The following TUSC3 variants were observed in gnomAD, a reference collection of about 807,000 sequenced individuals.
TUSC3 encodes the protein tumor suppressor candidate 3, also known as dolichyl-diphosphooligosaccharide--protein glycosyltransferase subunit TUSC3.
Under a neutral mutation model 44.8 loss-of-function variants are expected in TUSC3, and 45 were observed. That is an observed-to-expected ratio of 1.00 (90% CI 0.79 to 1.29). TUSC3 has a LOEUF of 1.29. Among genes scored for constraint, TUSC3 ranks in the 50% most tolerant of loss-of-function variants. The pLI is 0.00. For synonymous variants in TUSC3, 212 were observed against 152.9 expected (o/e 1.39, Z -2.85); for missense variants, 519 against 437.9 (o/e 1.19, Z -1.65).
chr8:15,789,203 C>T, the TUSC3 span, among the ~76,000 whole-genome samples: 8 of 152,148 alleles, frequency 5.3e-5, no homozygotes, highest in African/African-American at 1.2e-4. Context: ...TCCACCGAGG[C>T]GGCTCATGTC....
chr8:15,781,703 G>A, the TUSC3 span, among the ~76,000 whole-genome samples: 1 of 152,186 alleles, frequency 6.6e-6, no homozygotes, highest in African/African-American at 2.4e-5. Context: ...CTTCACTGGT[G>A]AATTCCATGA....
intron 6 of TUSC3, among the ~76,000 whole-genome samples, chr8:15,709,306 A>G (rs945083038): frequency 2.6e-5 from 4 of 151,932 alleles, no homozygotes; most frequent in Non-Finnish European, 2.9e-5. Context: ...TTTAGAAAAT[A>G]AAAAAGATTG....
rs151211280 is a variant in TUSC3, at chr8:15,746,920, G to A, written c.938-1455G>A. The stretch of plus-strand genomic sequence containing the variant: ...GGGATATTCTATAATTTTCAAAAAT[G>A]TTTTTTTTATTTTATGATACTCACA... On this transcript the variant is annotated intron_variant, in intron 8 of 10. Transcript: ENST00000503731. Among the ~76,000 whole-genome samples the A allele has an allele frequency of 7.0e-3, 1,062 of 151,742 alleles. 3 individuals carry two copies. Among genetic ancestry groups the A allele is most frequent in the Non-Finnish European group, 8.9e-3 (607 of 67,834 alleles).
chr8:15,632,853 A>G (rs1246439691), intron 2 of TUSC3, among the ~76,000 whole-genome samples: 1 of 152,192 alleles, frequency 6.6e-6, no homozygotes, highest in Non-Finnish European at 1.5e-5. Context: ...TGTGGGAACC[A>G]ACTCCTATAT....
the TUSC3 span, among the ~76,000 whole-genome samples, chr8:15,837,176 C>T: frequency 7.3e-5 from 11 of 151,710 alleles, no homozygotes; most frequent in East Asian, 9.7e-4. Flanking sequence ...TTAAATCAAA[C>T]GATAATTTGA....
At chr8:15,744,239 A>G (rs916734552) in intron 8 of TUSC3, among the ~76,000 whole-genome samples, 2 of 152,104 alleles carry the variant, frequency 1.3e-5, no homozygotes, top group East Asian at 1.9e-4. Flanking sequence ...TGATGGGACC[A>G]TTTCTCTCAG....
At chr8:15,591,740 G>A (rs1485988961) in intron 1 of TUSC3, among the ~76,000 whole-genome samples, 3 of 152,174 alleles carry the variant, frequency 2.0e-5, no homozygotes, top group African/African-American at 7.2e-5. Flanking sequence ...GAATATTCTA[G>A]TTATAATGCA....
At chr8:15,654,567 A>T (rs990743055) in intron 3 of TUSC3, among the ~76,000 whole-genome samples, 4 of 152,164 alleles carry the variant, frequency 2.6e-5, no homozygotes, top group Admixed American at 6.5e-5. Context: ...TAATGAACTT[A>T]TTAAAAAAGG....
chr8:15,485,949 C>T (rs1800727594), intron 2 of TUSC3, among the ~76,000 whole-genome samples: 1 of 152,034 alleles, frequency 6.6e-6, no homozygotes, highest in Non-Finnish European at 1.5e-5. Flanking sequence ...CACCACCAAG[C>T]CCGGCTTATT....
chr8:15,836,476 C>CAA, the TUSC3 span, among the ~76,000 whole-genome samples: 2 of 132,738 alleles, frequency 1.5e-5, no homozygotes, highest in African/African-American at 2.8e-5. Context: ...GACTCCATCT[C>CAA]AAAAAAAAAA....
At position 15,590,557 on chromosome 8, in the gene TUSC3, A is replaced by T. The variant is rs75379629; in HGVS notation, c.139-32523A>T. Among the ~76,000 whole-genome samples the T allele has an allele frequency of 8.2e-3, 1,241 of 152,236 alleles. 17 individuals carry two copies. The highest frequency in any genetic ancestry group is 0.029 in the African/African-American group (1,201 of 41,552). On this transcript the variant is annotated intron_variant, in intron 1 of 10. Transcript: ENST00000503731. The stretch of plus-strand genomic sequence containing the variant: ...ATTTACTATTTTTAGAGGTTCTAGA[A>T]TAGAAGGAATTTCCCTGAACACCAC...
intron 1 of TUSC3, among the ~76,000 whole-genome samples, chr8:15,434,121 G>A (rs1799914602): frequency 6.6e-6 from 1 of 152,082 alleles, no homozygotes; most frequent in African/African-American, 2.4e-5. Context: ...CTAATCCTTA[G>A]TATTATCAAA....
At chr8:15,743,301 C>A (rs1811272680) in intron 7 of TUSC3, 2 of 518,300 alleles carry the variant, frequency 3.9e-6, no homozygotes, top group South Asian at 4.2e-5. Context: ...AATTTAAGAA[C>A]CTTTGGAATT....
intron 2 of TUSC3, among the ~76,000 whole-genome samples, chr8:15,513,886 T>C (rs748969788): frequency 2.6e-5 from 4 of 152,188 alleles, no homozygotes; most frequent in Admixed American, 1.3e-4. Flanking sequence ...TTTCCACCTT[T>C]AGTCTGTCCT....
At chr8:15,678,249 TTGTC>T (rs1181482491) in intron 6 of TUSC3, among the ~76,000 whole-genome samples, 7 of 152,148 alleles carry the variant, frequency 4.6e-5, no homozygotes, top group Non-Finnish European at 7.3e-5. Flanking sequence ...CTGGTGGACT[TTGTC>T]TGTCAAAGAA....
At chr8:15,434,705 GC>G (rs1300524839) in intron 1 of TUSC3, among the ~76,000 whole-genome samples, 2 of 151,252 alleles carry the variant, frequency 1.3e-5, no homozygotes, top group African/African-American at 4.9e-5. Flanking sequence ...CCCACAACAG[GC>G]CCCGGTGTGT....
At chr8:15,767,152 C>G (rs1812355746), downstream of TUSC3, among the ~76,000 whole-genome samples, 1 of 152,040 alleles carries the variant, frequency 6.6e-6, no homozygotes, top group Admixed American at 6.6e-5. Context: ...TTCATTAGCT[C>G]CTAAATTCCC....
At chr8:15,733,333 ATAT>A in intron 7 of TUSC3, 1 of 389,412 alleles carries the variant, frequency 2.6e-6, no homozygotes, top group Non-Finnish European at 4.9e-6. Flanking sequence ...ATTTATTTAA[ATAT>A]TATAGCTTCT....
intron 1 of TUSC3, among the ~76,000 whole-genome samples, chr8:15,603,032 G>A (rs1804357307): frequency 6.6e-6 from 1 of 151,494 alleles, no homozygotes; most frequent in South Asian, 2.1e-4. Context: ...TTGGACCACA[G>A]TAAAAAAAGA....
Sources: allele counts gnomAD v4.1 joint callset (sites outside exome capture counted in the v4.1 genomes callset), GRCh38; gene constraint gnomAD v4.1.1; transcripts MANE v1.5; gene names NCBI Gene and HGNC (gene_info 2026-07-23, HGNC 2026-07-21).